The following GNG2 variants were observed in gnomAD, a reference collection of about 807,000 sequenced individuals.
GNG2 encodes G protein subunit gamma 2, also known as guanine nucleotide-binding protein G(I)/G(S)/G(O) subunit gamma-2.
A neutral mutation model predicts 5.5 loss-of-function variants in GNG2; 5 were observed. The ratio of observed to expected loss-of-function variants is 0.91; its 90% CI spans 0.48 to 1.92. The LOEUF is 1.92. GNG2 is among the 30% of genes most tolerant of loss of function. GNG2 has a pLI of 0.01. For synonymous variants in GNG2, 28 were observed against 32.0 expected (o/e 0.88, Z 0.42); for missense variants, 55 against 88.4 (o/e 0.62, Z 1.52).
intron 3 of GNG2, among the ~76,000 whole-genome samples, chr14:51,966,209 CAAA>C (rs34653524): frequency 7.0e-3 from 196 of 28,092 alleles, no homozygotes; most frequent in Middle Eastern, 0.05. Context: ...GACTGCATCT[CAAA>C]AAAAAAAAAA....
chr14:51,951,573 T>G (rs1888977598), intron 3 of GNG2, among the ~76,000 whole-genome samples: 2 of 152,218 alleles, frequency 1.3e-5, no homozygotes, highest in Admixed American at 1.3e-4. Flanking sequence ...GACACATATC[T>G]CATTGTACTA....
In GNG2 at chr14:51,967,337, G is replaced by T. The variant is rs1057804; in HGVS notation, c.*650G>T. The T allele has an allele frequency of 0.73, 110,793 of 152,062 alleles. 44,619 individuals carry two copies. The highest frequency in any genetic ancestry group is 0.92 in the Non-Finnish European group (62,740 of 68,018). 9.4% of individuals were successfully genotyped at this position (152,062 alleles called of 1,614,324 possible). ...CAACGACAAAAAATGCCGGTTGTCT[G>T]TGTTCTCTTTTCACTATTCCTAACA... On this transcript the variant is annotated 3_prime_UTR_variant, in exon 4 of 4. Transcript: ENST00000556766.
intron 2 of GNG2, among the ~76,000 whole-genome samples, chr14:51,889,419 A>G (rs1346122815): frequency 6.6e-6 from 1 of 152,134 alleles, no homozygotes; most frequent in African/African-American, 2.4e-5. Flanking sequence ...TTTTGGGGTG[A>G]TGAAAATATT....
At position 51,880,938 on chromosome 14, in the gene GNG2, T is replaced by TCAG. The variant is rs897248743; in HGVS notation, c.-30+3282_-30+3284dup. 6.4e-4 allele frequency among the ~76,000 whole-genome samples: 79 copies of TCAG among 123,462 alleles called. 1 individual carries two copies. Among genetic ancestry groups the TCAG allele is most frequent in the African/African-American group, 2.3e-3 (74 of 32,704 alleles). The allele number at this position is 123,462 out of a possible 152,430, so 81.0% of individuals were successfully genotyped here. On this transcript the variant is annotated intron_variant, in intron 2 of 3. Transcript: ENST00000556766. ...TCTGTAGCCATATATGCATGTTTGT[T>TCAG]CAGACCAGCTTAAAAAGACAAAAAA...
In GNG2 at chr14:51,930,314, A is replaced by G. The variant is rs534389669; in HGVS notation, c.-29-20336A>G. 2.7e-4 allele frequency among the ~76,000 whole-genome samples: 41 copies of G among 152,358 alleles called. 1 individual carries two copies. The South Asian group carries it at 8.5e-3, about 32-fold the overall frequency. On this transcript the variant is annotated intron_variant, in intron 2 of 3. Coordinates refer to ENST00000556766, the MANE Select transcript of GNG2 (RefSeq NM_053064.5). The stretch of plus-strand genomic sequence containing the variant: ...GACATAGTAACCAGCAGCCTGACTA[A>G]TCCATACTCACTATCAAAGCAAAAT...
chr14:51,866,207 A>G (rs1030028516), intron 1 of GNG2, among the ~76,000 whole-genome samples: 6 of 152,176 alleles, frequency 3.9e-5, no homozygotes, highest in Admixed American at 6.5e-5. Context: ...TCCTCTTCCC[A>G]GGAACCCAGC....
At chr14:51,909,607 G>A (rs1403421331) in intron 2 of GNG2, among the ~76,000 whole-genome samples, 2 of 152,182 alleles carry the variant, frequency 1.3e-5, no homozygotes, top group East Asian at 1.9e-4. Flanking sequence ...ATTGCATAAA[G>A]GACCCCGTGA....
intron 1 of GNG2, chr14:51,827,646 C>T (rs1018507246): frequency 1.1e-5 from 8 of 696,256 alleles, no homozygotes; most frequent in Admixed American, 2.1e-5. Context: ...TGTTCATCCA[C>T]GTATATGTTT....
intron 2 of GNG2, among the ~76,000 whole-genome samples, chr14:51,894,883 C>G (rs537426203): frequency 5.7e-4 from 86 of 152,092 alleles, no homozygotes; most frequent in African/African-American, 2.0e-3. Flanking sequence ...GTATAGATAG[C>G]CTTCTTCATA....
intron 2 of GNG2, among the ~76,000 whole-genome samples, chr14:51,915,365 T>C (rs915070024): frequency 6.6e-6 from 1 of 152,258 alleles, no homozygotes; most frequent in Non-Finnish European, 1.5e-5. Context: ...TAATTATGAC[T>C]AACTTATAAT....
At chr14:51,949,102 C>T (rs1033457521) in intron 2 of GNG2, among the ~76,000 whole-genome samples, 10 of 137,394 alleles carry the variant, frequency 7.3e-5, no homozygotes, top group African/African-American at 2.2e-4. Flanking sequence ...GCTTGGGCGA[C>T]AGAGGCAGAC....
At chr14:51,857,095 T>A (rs1368748424), upstream of GNG2, among the ~76,000 whole-genome samples, 2 of 152,160 alleles carry the variant, frequency 1.3e-5, no homozygotes, top group African/African-American at 4.8e-5. Context: ...CAAATGCTAA[T>A]GGGTGAGATG....
chr14:51,906,330 A>G (rs1885915306), intron 2 of GNG2, among the ~76,000 whole-genome samples: 1 of 152,260 alleles, frequency 6.6e-6, no homozygotes, highest in South Asian at 2.1e-4. Flanking sequence ...TTACTGATAT[A>G]TAATGAGCCT....
intron 2 of GNG2, among the ~76,000 whole-genome samples, chr14:51,904,855 GCCCATTGATATATGAGACAT>G (rs1885807649): frequency 6.6e-6 from 1 of 152,190 alleles, no homozygotes; most frequent in South Asian, 2.1e-4. Flanking sequence ...AGCACTTTGT[GCCCATTGATATATGAGACAT>G]CTTCAAACAG....
intron 2 of GNG2, among the ~76,000 whole-genome samples, chr14:51,845,100 T>C (rs1881585663): frequency 6.6e-6 from 1 of 152,254 alleles, no homozygotes; most frequent in Non-Finnish European, 1.5e-5. Flanking sequence ...ACTGAATTTA[T>C]TGTGAATTGT....
chr14:51,915,762 T>G (rs1040348623), intron 2 of GNG2, among the ~76,000 whole-genome samples: 8 of 152,242 alleles, frequency 5.3e-5, no homozygotes, highest in African/African-American at 9.6e-5. Flanking sequence ...AAGGAACACA[T>G]ACTTAGCCTG....
intron 2 of GNG2, among the ~76,000 whole-genome samples, chr14:51,947,962 T>C (rs1888736640): frequency 6.6e-6 from 1 of 152,224 alleles, no homozygotes; most frequent in Non-Finnish European, 1.5e-5. Context: ...GTTGGCATGG[T>C]GGCTCCACAA....
At chr14:51,899,112 C>G (rs1356109025) in intron 2 of GNG2, among the ~76,000 whole-genome samples, 1 of 152,148 alleles carries the variant, frequency 6.6e-6, no homozygotes, top group Non-Finnish European at 1.5e-5. Context: ...CCTTTTAACA[C>G]CACCCTGTCT....
chr14:51,889,356 G>A (rs528618594), intron 2 of GNG2, among the ~76,000 whole-genome samples: 32 of 152,052 alleles, frequency 2.1e-4, no homozygotes, highest in African/African-American at 6.5e-4. Flanking sequence ...CAAGTGATCC[G>A]CCTGCCTCGG....
Sources: gnomAD v4.1 joint callset for allele counts (sites outside exome capture counted in the v4.1 genomes callset) on GRCh38, gnomAD v4.1.1 for gene constraint, MANE v1.5 for transcripts, NCBI Gene and HGNC (gene_info 2026-07-23, HGNC 2026-07-21) for gene names.